CDH13: variants seen among roughly 807,000 people sequenced by gnomAD.
CDH13 encodes the protein cadherin 13, also known as cadherin-13.
In CDH13, 24 loss-of-function variants were observed where a neutral mutation model predicts 63.8. The ratio of observed to expected loss-of-function variants is 0.38; its 90% CI spans 0.27 to 0.53. The LOEUF (loss-of-function observed/expected upper bound fraction) is 0.53. CDH13 is among the 20% of genes least tolerant of loss of function. The pLI is 0.85. For missense variants in CDH13, 1,049 were observed against 903.1 expected, an observed-to-expected ratio of 1.16 and a Z score of -2.07; for synonymous variants, 503 against 355.3, an observed-to-expected ratio of 1.42 and a Z score of -4.67.
At position 83,081,294 on chromosome 16, in the gene CDH13, T is replaced by C. The variant is rs115604233; in HGVS notation, c.367-44091T>C. Among the ~76,000 whole-genome samples, 757 of 152,246 alleles carry C rather than the reference T, an allele frequency of 5.0e-3. 4 individuals are homozygous for C. Among genetic ancestry groups the C allele is most frequent in the African/African-American group, 0.017 (727 of 41,546 alleles). ...TCAGTAGAAGACCCAAGAGATATAC[T>C]GGTGAATGGGATAGACATGGTCTAT... On this transcript the variant is annotated intron_variant, in intron 3 of 13. Transcript: ENST00000567109.
In CDH13 at chr16:82,863,460, C is replaced by T. The variant is rs538284261; in HGVS notation, c.157+4987C>T. ...AGATCACACAGTTTTAAACTCATATCGACTAGAATTCAAATGTGCACACAG... is the reference window on the plus strand; with the variant it reads ...AGATCACACAGTTTTAAACTCATATTGACTAGAATTCAAATGTGCACACAG... On this transcript the variant is annotated intron_variant, in intron 2 of 13. Transcript: ENST00000567109. Among the ~76,000 whole-genome samples, 25 of 152,218 alleles carry T rather than the reference C, an allele frequency of 1.6e-4. No homozygotes were observed. In the South Asian group the frequency reaches 3.1e-3, roughly 19 times the overall value.
At chr16:83,756,027 A>G (rs1444210966) in intron 11 of CDH13, among the ~76,000 whole-genome samples, 3 of 152,224 alleles carry the variant, frequency 2.0e-5, no homozygotes, top group East Asian at 3.8e-4. Flanking sequence ...GCAGCATTGG[A>G]GATGTAGTTA....
chr16:83,176,512 GAAAAAA>G (rs869250059), intron 4 of CDH13, among the ~76,000 whole-genome samples: 7 of 71,784 alleles, frequency 9.8e-5, no homozygotes, highest in Non-Finnish European at 1.7e-4. Context: ...TCCAGCTAGA[GAAAAAA>G]AAAAAAAAAA....
chr16:82,956,948 TG>T (rs1468111634), intron 2 of CDH13, among the ~76,000 whole-genome samples: 1 of 152,190 alleles, frequency 6.6e-6, no homozygotes, highest in Non-Finnish European at 1.5e-5. Context: ...GTGGCCCCAC[TG>T]TGTCACTTAG....
chr16:83,769,064 T>TC (rs1914593722), intron 11 of CDH13, among the ~76,000 whole-genome samples: 1 of 152,104 alleles, frequency 6.6e-6, no homozygotes, highest in African/African-American at 2.4e-5. Flanking sequence ...CAAAGCCATT[T>TC]CCCCAAGGAA....
At chr16:82,716,506 G>C (rs192304548) in intron 1 of CDH13, among the ~76,000 whole-genome samples, 1 of 151,254 alleles carries the variant, frequency 6.6e-6, no homozygotes, top group Admixed American at 6.6e-5. Flanking sequence ...TTATTAAACA[G>C]TTGTAAAAGT....
intron 2 of CDH13, among the ~76,000 whole-genome samples, chr16:82,910,325 C>G (rs1490509649): frequency 6.6e-6 from 1 of 152,172 alleles, no homozygotes; most frequent in Non-Finnish European, 1.5e-5. Flanking sequence ...CTCTCTGCAC[C>G]TGTGATGACA....
rs144919373 is a variant in CDH13 at position 83,140,675 on chromosome 16, G to A, written c.483+15174G>A. Among the ~76,000 whole-genome samples the A allele has an allele frequency of 3.0e-3, 451 of 152,200 alleles. 3 individuals are homozygous for A. The highest frequency in any genetic ancestry group is 0.01 in the Middle Eastern group (3 of 294). On this transcript the variant is annotated intron_variant, in intron 4 of 13. Coordinates refer to ENST00000567109, the MANE Select transcript of CDH13 (RefSeq NM_001257.5). The stretch of plus-strand genomic sequence containing the variant: ...TTGCCATGTTGGCCAGGCTTGTCTC[G>A]AACTCCTGACCTCAGGTGATCCACC...
chr16:83,220,350 G>T (rs1451752623), intron 5 of CDH13, among the ~76,000 whole-genome samples: 1 of 152,182 alleles, frequency 6.6e-6, no homozygotes, highest in African/African-American at 2.4e-5. Context: ...TTCATTCCAA[G>T]TGCCTGTTTA....
intron 7 of CDH13, among the ~76,000 whole-genome samples, chr16:83,543,901 C>T (rs940099933): frequency 6.6e-6 from 1 of 152,162 alleles, no homozygotes; most frequent in Non-Finnish European, 1.5e-5. Context: ...CCTCAATGGG[C>T]AAGACCAAGA....
At chr16:83,216,429 T>TATATAAAA (rs1555513905) in intron 4 of CDH13, among the ~76,000 whole-genome samples, 1 of 105,696 alleles carries the variant, frequency 9.5e-6, no homozygotes, top group African/African-American at 3.3e-5. Flanking sequence ...TATATATATA[T>TATATAAAA]ATATATATAT....
intron 7 of CDH13, among the ~76,000 whole-genome samples, chr16:83,584,520 C>T (rs1033318851): frequency 3.9e-5 from 6 of 152,066 alleles, no homozygotes; most frequent in African/African-American, 9.7e-5. Context: ...ACCCCTGAGG[C>T]GGTCATTTGG....
At chr16:83,117,447 C>G (rs536031635) in intron 3 of CDH13, among the ~76,000 whole-genome samples, 3 of 152,256 alleles carry the variant, frequency 2.0e-5, no homozygotes, top group South Asian at 4.2e-4. Flanking sequence ...TCTAAAACAT[C>G]AGCACCCTCT....
At chr16:83,148,235 G>A (rs1477472063) in intron 4 of CDH13, among the ~76,000 whole-genome samples, 1 of 152,216 alleles carries the variant, frequency 6.6e-6, no homozygotes, top group African/African-American at 2.4e-5. Context: ...ACTGTGCCCA[G>A]TTTGAGGCAT....
At chr16:83,171,721 C>A in intron 4 of CDH13, 1 of 667,654 alleles carries the variant, frequency 1.5e-6, no homozygotes. Context: ...AGAACCTCTT[C>A]GTCTTTCTGA....
At chr16:83,733,481 C>T (rs1231437338) in intron 10 of CDH13, among the ~76,000 whole-genome samples, 2 of 152,184 alleles carry the variant, frequency 1.3e-5, no homozygotes, top group Admixed American at 1.3e-4. Context: ...GCACAGCTGC[C>T]TCTAAGTACC....
chr16:83,333,253 A>G (rs1003711949), intron 5 of CDH13, among the ~76,000 whole-genome samples: 5 of 152,228 alleles, frequency 3.3e-5, no homozygotes. Context: ...TGTTGGCGTC[A>G]GAGAGAAACC....
chr16:83,624,100 G>C (rs560565903), intron 8 of CDH13, among the ~76,000 whole-genome samples: 1 of 152,130 alleles, frequency 6.6e-6, no homozygotes, highest in African/African-American at 2.4e-5. Flanking sequence ...CTCCTTGTCT[G>C]CAGCTCCAGC....
intron 6 of CDH13, among the ~76,000 whole-genome samples, chr16:83,386,775 T>C (rs1427588647): frequency 2.0e-5 from 3 of 152,220 alleles, no homozygotes; most frequent in Admixed American, 6.5e-5. Flanking sequence ...GCTGCTGGTA[T>C]TGATTCAACA....
Sources: gnomAD v4.1 joint callset for allele counts (sites outside exome capture counted in the v4.1 genomes callset) on GRCh38, gnomAD v4.1.1 for gene constraint, MANE v1.5 for transcripts, NCBI Gene and HGNC (gene_info 2026-07-23, HGNC 2026-07-21) for gene names.